KBTBD12: variants seen among roughly 807,000 people sequenced by gnomAD.
KBTBD12 encodes kelch repeat and BTB domain containing 12, also known as kelch repeat and BTB domain-containing protein 12.
KBTBD12 carries 53 observed loss-of-function variants against 58.7 expected under a neutral mutation model. That is an observed-to-expected ratio of 0.90 (90% CI 0.72 to 1.14). The LOEUF is 1.14. Ranked by LOEUF, KBTBD12 falls within the 50% of genes most tolerant of loss-of-function variation. KBTBD12 has a pLI of 0.00. For missense variants in KBTBD12, 704 were observed against 751.3 expected (o/e 0.94, Z 0.74); for synonymous variants, 236 against 259.8 (o/e 0.91, Z 0.88).
intron 4 of KBTBD12, among the ~76,000 whole-genome samples, chr3:127,934,039 G>C (rs1939769709): frequency 6.6e-6 from 1 of 152,018 alleles, no homozygotes; most frequent in Non-Finnish European, 1.5e-5. Flanking sequence ...CAAAGGAAAA[G>C]AAACAGAAAA....
At position 127,987,507 on chromosome 3, in the gene KBTBD12, C is replaced by T. The variant is rs1940990656; in HGVS notation, c.*3229C>T. 6.6e-6 allele frequency: 1 copy of T among 152,208 alleles called. No individual in the cohort carries two copies. Among genetic ancestry groups the T allele is most frequent in the Non-Finnish European group, 1.5e-5 (1 of 68,052 alleles). The allele number at this position is 152,208 out of a possible 1,614,324, so 9.4% of individuals were successfully genotyped here. ...GATTGTTTGACACTGAGCAAGGAAA[C>T]ACAATAAGGAAGTAATTTGGATGCT... On this transcript the variant is annotated 3_prime_UTR_variant, in exon 6 of 6. Coordinates refer to ENST00000405109, the MANE Select transcript of KBTBD12 (RefSeq NM_207335.4).
intron 5 of KBTBD12, among the ~76,000 whole-genome samples, chr3:127,967,250 G>A (rs944147094): frequency 6.6e-6 from 1 of 152,164 alleles, no homozygotes; most frequent in African/African-American, 2.4e-5. Flanking sequence ...CCGGTCAAAG[G>A]GCTCTGTGAG....
At chr3:127,968,178 A>G (rs1020001753) in intron 5 of KBTBD12, among the ~76,000 whole-genome samples, 1 of 152,232 alleles carries the variant, frequency 6.6e-6, no homozygotes, top group Non-Finnish European at 1.5e-5. Flanking sequence ...TCTCTGACCC[A>G]GAAGTCTTAC....
intron 1 of KBTBD12, 94 bp from the exon 2 acceptor site, chr3:127,922,856 C>A: frequency 2.2e-6 from 1 of 449,772 alleles, no homozygotes; most frequent in Non-Finnish European, 3.9e-6. Context: ...TGAATAATAT[C>A]TGTTTATAAA....
chr3:127,924,033 T>C lies in KBTBD12; in HGVS notation c.972T>C (p.Cys324=). The C allele has an allele frequency of 6.2e-7, 1 of 1,613,818 alleles. No individual in the cohort carries two copies. Among genetic ancestry groups the C allele is most frequent in the South Asian group, 1.1e-5 (1 of 91,080 alleles). Residue 324 remains cysteine (C), a synonymous_variant, in exon 2 of 6, where the codon TGT becomes TGC. Transcript: ENST00000405109. ...PKYGEGLGTV[C]TGVVMENNTI... Reference sequence around the variant, plus strand: ...ACGGAGAGGGTTTAGGAACTGTGTGTACTGGTGTTGTCATGGAAAATAATA... The same window carrying C: ...ACGGAGAGGGTTTAGGAACTGTGTGCACTGGTGTTGTCATGGAAAATAATA...
intron 1 of KBTBD12, among the ~76,000 whole-genome samples, chr3:127,921,509 T>TTA (rs1453351118): frequency 6.6e-6 from 1 of 152,100 alleles, no homozygotes; most frequent in African/African-American, 2.4e-5. Context: ...TCTATGTACC[T>TTA]TATATGTACA....
chr3:127,979,426 A>C (rs1001958968), intron 5 of KBTBD12, among the ~76,000 whole-genome samples: 1 of 152,238 alleles, frequency 6.6e-6, no homozygotes, highest in South Asian at 2.1e-4. Context: ...CAAAATTTGC[A>C]TGGACTTTTT....
chr3:127,961,999 T>G (rs1940449894), intron 4 of KBTBD12, among the ~76,000 whole-genome samples: 1 of 152,206 alleles, frequency 6.6e-6, no homozygotes, highest in Non-Finnish European at 1.5e-5. Context: ...AACAACATAC[T>G]CCAGTATCAG....
intron 4 of KBTBD12, among the ~76,000 whole-genome samples, chr3:127,959,816 T>C (rs1002270892): frequency 6.6e-6 from 1 of 152,258 alleles, no homozygotes; most frequent in Non-Finnish European, 1.5e-5. Flanking sequence ...AATTTACTGA[T>C]GAGAAAAGGC....
chr3:127,939,012 C>T (rs994759349), intron 4 of KBTBD12, among the ~76,000 whole-genome samples: 3 of 152,180 alleles, frequency 2.0e-5, no homozygotes, highest in African/African-American at 7.2e-5. Flanking sequence ...CGGAAGTGGC[C>T]ATTGTGCACA....
At position 127,986,292 on chromosome 3, in the gene KBTBD12, A is replaced by G. The variant is rs114921218; in HGVS notation, c.*2014A>G. On this transcript the variant is annotated 3_prime_UTR_variant, in exon 6 of 6. Transcript: ENST00000405109. ...AGGAAAATATTAATACATACTTTAT[A>G]GGGTTGGTATGAGGATTAAGTGCTG... 2,439 of 152,718 alleles carry G rather than the reference A, an allele frequency of 0.016. 24 individuals are homozygous for G. Among genetic ancestry groups the G allele is most frequent in the Non-Finnish European group, 0.023 (1,579 of 68,030 alleles). 9.5% of individuals were successfully genotyped at this position (152,718 alleles called of 1,614,324 possible).
intron 5 of KBTBD12, among the ~76,000 whole-genome samples, chr3:127,979,893 A>C (rs998761698): frequency 2.0e-5 from 3 of 152,258 alleles, no homozygotes; most frequent in African/African-American, 7.2e-5. Flanking sequence ...TTATAGAAGT[A>C]ATATGTGCTG....
intron 5 of KBTBD12, among the ~76,000 whole-genome samples, chr3:127,972,281 C>A (rs1385140608): frequency 6.6e-6 from 1 of 152,156 alleles, no homozygotes; most frequent in Non-Finnish European, 1.5e-5. Flanking sequence ...AGTCTGGCCC[C>A]AAAGTCTATA....
At chr3:127,963,462 C>A (rs1338378999) in intron 5 of KBTBD12, 76 bp downstream of exon 5, 2 of 1,317,010 alleles carry the variant, frequency 1.5e-6, no homozygotes, top group Admixed American at 5.1e-5. Flanking sequence ...CCAATCACCA[C>A]TAATATTCCT....
intron 4 of KBTBD12, among the ~76,000 whole-genome samples, chr3:127,943,076 A>G (rs1396172706): frequency 1.3e-5 from 2 of 152,104 alleles, no homozygotes; most frequent in East Asian, 3.8e-4. Context: ...AACACCTCCC[A>G]CTTGACCCCA....
At chr3:127,948,352 G>A (rs1337308489) in intron 4 of KBTBD12, among the ~76,000 whole-genome samples, 1 of 140,252 alleles carries the variant, frequency 7.1e-6, no homozygotes, top group African/African-American at 2.7e-5. Flanking sequence ...AGGGCCAGTA[G>A]CCCTGCTGAG....
chr3:127,923,607 A>G lies in KBTBD12; in HGVS notation c.546A>G (p.Lys182=). 2 of 1,613,728 alleles carry G rather than the reference A, an allele frequency of 1.2e-6. No homozygotes were observed. The highest frequency in any genetic ancestry group is 1.7e-6 in the Non-Finnish European group (2 of 1,179,810). Residue 182 remains lysine (K), a synonymous_variant, in exon 2 of 6, where the codon AAA becomes AAG. Coordinates refer to ENST00000405109, the MANE Select transcript of KBTBD12 (RefSeq NM_207335.4). Reference sequence around the variant, plus strand: ...TGCACCAATTTTTGACACTTATTAAATCAGATGATCTTAACATATCCAGAG... The same window carrying G: ...TGCACCAATTTTTGACACTTATTAAGTCAGATGATCTTAACATATCCAGAG... ...IEVHQFLTLI[K]SDDLNISREE... is the part of the protein sequence containing the mutation.
intron 4 of KBTBD12, among the ~76,000 whole-genome samples, chr3:127,944,956 C>A (rs1248266809): frequency 6.6e-6 from 1 of 151,648 alleles, no homozygotes; most frequent in African/African-American, 2.4e-5. Context: ...TCATGGCTCA[C>A]TGTAGCCTCA....
chr3:127,937,927 T>C (rs1939861379), intron 4 of KBTBD12, among the ~76,000 whole-genome samples: 1 of 152,120 alleles, frequency 6.6e-6, no homozygotes, highest in Non-Finnish European at 1.5e-5. Context: ...AGAAAATAAA[T>C]GCTAAAGTAG....
Sources: gnomAD v4.1 joint callset for allele counts (sites outside exome capture counted in the v4.1 genomes callset) on GRCh38, gnomAD v4.1.1 for gene constraint, MANE v1.5 for transcripts, NCBI Gene and HGNC (gene_info 2026-07-23, HGNC 2026-07-21) for gene names.